The following GDI2 variants were observed in gnomAD, a reference collection of about 807,000 sequenced individuals.
The protein encoded by GDI2 is rab GDP dissociation inhibitor beta.
GDI2 carries 22 observed loss-of-function variants against 54.2 expected under a neutral mutation model. The observed-to-expected ratio is 0.41, with a 90% CI of 0.29 to 0.58. The LOEUF is 0.58. GDI2 is among the 20% of genes least tolerant of loss of function. GDI2 has a pLI of 0.35. For missense variants in GDI2, 422 were observed against 546.0 expected, an observed-to-expected ratio of 0.77 and a Z score of 2.26; for synonymous variants, 177 against 182.1, an observed-to-expected ratio of 0.97 and a Z score of 0.23.
At chr10:5,808,970 C>T (rs1432745353) in intron 1 of GDI2, among the ~76,000 whole-genome samples, 1 of 151,704 alleles carries the variant, frequency 6.6e-6, no homozygotes, top group Non-Finnish European at 1.5e-5. Flanking sequence ...GTCAGCCAGG[C>T]GCGGTGGCTC....
chr10:5,797,594 A>C, intron 2 of GDI2, among the ~76,000 whole-genome samples: 1 of 147,728 alleles, frequency 6.8e-6, no homozygotes, highest in East Asian at 2.0e-4. Context: ...GTGTGCCTGT[A>C]AGCCCAGCTA....
intron 4 of GDI2, among the ~76,000 whole-genome samples, chr10:5,786,322 C>A (rs933978977): frequency 1.3e-5 from 2 of 152,038 alleles, no homozygotes; most frequent in Non-Finnish European, 2.9e-5. Flanking sequence ...AGGCAACCGC[C>A]ATTACGCCCA....
intron 6 of GDI2, among the ~76,000 whole-genome samples, chr10:5,781,810 T>C (rs939511284): frequency 2.6e-5 from 4 of 151,940 alleles, no homozygotes; most frequent in Admixed American, 6.6e-5. Context: ...GGTCAGGAGT[T>C]AGAGACCAGC....
At chr10:5,808,968 G>T (rs750553345) in intron 1 of GDI2, among the ~76,000 whole-genome samples, 1 of 152,086 alleles carries the variant, frequency 6.6e-6, no homozygotes, top group Non-Finnish European at 1.5e-5. Flanking sequence ...CTGTCAGCCA[G>T]GCGCGGTGGC....
Position 5,785,921 on chromosome 10 carries a change from T to C in GDI2, c.518A>G (p.Lys173Arg), listed in dbSNP as rs77029930. The C allele has an allele frequency of 4.7e-4, 757 of 1,612,192 alleles. 5 individuals are homozygous for C. In the African/African-American group the frequency reaches 7.8e-3, roughly 17 times the overall value. Residue 173 changes from lysine (K) to arginine (R), a missense_variant, in exon 5 of 11, where the codon AAG becomes AGG. Lys to Arg is a conservative substitution (Grantham distance 26, BLOSUM62 2). Coordinates refer to ENST00000380191, the MANE Select transcript of GDI2 (RefSeq NM_001494.4). ...PKKTTMRDVY[K>R]KFDLGQDVID... ...AACGTCTTGACCCAAATCAAATTTC[T>C]TATACACATCTCGCATTGTGGTCTT...
chr10:5,785,046 G>T, intron 6 of GDI2, 96 bp downstream of exon 6: 2 of 749,898 alleles, frequency 2.7e-6, no homozygotes, highest in South Asian at 3.1e-5. Context: ...ATTACTCATA[G>T]ACTGATCTCA....
intron 4 of GDI2, among the ~76,000 whole-genome samples, chr10:5,793,195 A>G (rs931402402): frequency 2.6e-5 from 4 of 151,994 alleles, no homozygotes; most frequent in Non-Finnish European, 4.4e-5. Flanking sequence ...GGGTCCTGCT[A>G]TGTTGCCCAG....
Position 5,765,253 on chromosome 10 carries a change from T to C in GDI2, c.*753A>G, listed in dbSNP as rs200521074. 8 of 152,784 alleles carry C rather than the reference T, an allele frequency of 5.2e-5. No homozygotes were observed. In the South Asian group the frequency reaches 1.0e-3, roughly 20 times the overall value. The allele number at this position is 152,784 out of a possible 1,614,324, so 9.5% of individuals were successfully genotyped here. ...TCCAGAATTTGGCTTTATTTTGCAG[T>C]ACAGAAATCATTTGGAGCCATTTTG... On this transcript the variant is annotated 3_prime_UTR_variant, in exon 11 of 11. Coordinates refer to ENST00000380191, the MANE Select transcript of GDI2 (RefSeq NM_001494.4).
At chr10:5,808,651 G>C (rs1480874885) in intron 1 of GDI2, among the ~76,000 whole-genome samples, 1 of 150,420 alleles carries the variant, frequency 6.6e-6, no homozygotes, top group African/African-American at 2.5e-5. Flanking sequence ...ACTCCAGCCT[G>C]GGTAACAGAG....
intron 6 of GDI2, 29 bp from the exon 7 acceptor site, chr10:5,773,970 AAT>A: frequency 1.1e-6 from 1 of 907,028 alleles, no homozygotes; most frequent in Non-Finnish European, 1.8e-6. Flanking sequence ...CCCAATTAAT[AAT>A]ATATAGTTGT....
chr10:5,778,723 G>A lies in GDI2; in HGVS notation c.720-4782C>T, dbSNP rs1305310958. Among the ~76,000 whole-genome samples the A allele has an allele frequency of 2.0e-5, 3 of 152,180 alleles. No individual in the cohort carries two copies. In the East Asian group the frequency reaches 5.8e-4, roughly 29 times the overall value. On this transcript the variant is annotated intron_variant, in intron 6 of 10. Coordinates refer to ENST00000380191, the MANE Select transcript of GDI2 (RefSeq NM_001494.4). ...TGCTTTTAATGATGCATGAGTGGAAGTAATGCTAGTTGGCAGTATTTGATT... is the reference window on the plus strand; with the variant it reads ...TGCTTTTAATGATGCATGAGTGGAAATAATGCTAGTTGGCAGTATTTGATT...
In GDI2 at chr10:5,798,745, A is replaced by C. The variant is rs185042647; in HGVS notation, c.153+1853T>G. Among the ~76,000 whole-genome samples, 4 of 152,288 alleles carry C rather than the reference A, an allele frequency of 2.6e-5. No homozygotes were observed. In the East Asian group the frequency reaches 7.7e-4, roughly 29 times the overall value. ...GTAACCGCAGCACTTTGGAAGGCCAAGGCAGGCAGATCATTTGAGGAGTTC... is the reference window on the plus strand; with the variant it reads ...GTAACCGCAGCACTTTGGAAGGCCACGGCAGGCAGATCATTTGAGGAGTTC... On this transcript the variant is annotated intron_variant, in intron 2 of 10. Coordinates refer to ENST00000380191, the MANE Select transcript of GDI2 (RefSeq NM_001494.4).
At chr10:5,803,659 A>G (rs1841316038) in intron 1 of GDI2, among the ~76,000 whole-genome samples, 1 of 152,208 alleles carries the variant, frequency 6.6e-6, no homozygotes, top group African/African-American at 2.4e-5. Context: ...ACAACCACCA[A>G]TAAATTGACC....
At position 5,776,974 on chromosome 10, in the gene GDI2, C is replaced by G; in HGVS notation, c.720-3033G>C. 1.9e-6 allele frequency: 1 copy of G among 515,874 alleles called. No individual in the cohort carries two copies. Among genetic ancestry groups the G allele is most frequent in the South Asian group, 3.2e-5 (1 of 31,200 alleles). 32.0% of individuals were successfully genotyped at this position (515,874 alleles called of 1,614,324 possible). ...AAGGGTAATCCCGGAAATGCTTCAT[C>G]TGGCAGACTGTGGGAGAAGAGGCAT... is the stretch of plus-strand genomic sequence containing the variant. On this transcript the variant is annotated intron_variant, in intron 6 of 10. Transcript: ENST00000380191. The surrounding 1 kb of genome is among the most constrained non-coding windows in gnomAD (Gnocchi z 5.3).
At chr10:5,811,876 T>C in intron 1 of GDI2, 2 of 1,013,044 alleles carry the variant, frequency 2.0e-6, no homozygotes, top group Middle Eastern at 2.4e-4. Flanking sequence ...TCACAAACCT[T>C]TCCTAAAAAA....
chr10:5,772,499 G>A (rs1840512304), intron 7 of GDI2, among the ~76,000 whole-genome samples: 1 of 152,210 alleles, frequency 6.6e-6, no homozygotes, highest in East Asian at 1.9e-4. Flanking sequence ...GCTCATGCCT[G>A]TAATCCCAAC....
rs199531623 is a variant in GDI2 at position 5,766,150 on chromosome 10, G to T, written c.1194C>A (p.Ile398=). 22 of 1,613,742 alleles carry T rather than the reference G, an allele frequency of 1.4e-5. No homozygotes were observed. In the East Asian group the frequency reaches 2.7e-4, roughly 20 times the overall value. Residue 398 remains isoleucine, a splice_region_variant and synonymous_variant, in exon 11 of 11, where the codon ATC becomes ATA. Transcript: ENST00000380191. This position sits in a 1 kb window ranked among gnomAD's most constrained non-coding sequence, Gnocchi z 5.8. ...TGGCATCATATGTGCGGGAAATAAA[G>T]ATCTGAAAACAAAAATTACGAAGAC... is the stretch of plus-strand genomic sequence containing the variant. The part of the protein sequence containing the change: ...VPKDLGTESQ[I]FISRTYDATT...
chr10:5,767,318 G>GTT (rs56770624), intron 8 of GDI2, among the ~76,000 whole-genome samples: 31,064 of 150,754 alleles, frequency 0.21, 3,466 homozygotes, highest in Admixed American at 0.27. Flanking sequence ...TTTGTGATTG[G>GTT]TTTTTTTTTG....
chr10:5,773,982 T>C (rs779388890), intron 6 of GDI2, 41 bp from the exon 7 acceptor site: 2 of 802,734 alleles, frequency 2.5e-6, no homozygotes, highest in South Asian at 1.5e-5. Context: ...TATATAGTTG[T>C]TTCAACTCCT....
Sources: allele counts gnomAD v4.1 joint callset (sites outside exome capture counted in the v4.1 genomes callset), GRCh38; gene constraint gnomAD v4.1.1; non-coding constraint Gnocchi (gnomAD v3.1); transcripts MANE v1.5; gene names NCBI Gene and HGNC (gene_info 2026-07-23, HGNC 2026-07-21).